The following ZNF184 variants were observed in gnomAD, a reference collection of about 807,000 sequenced individuals.
ZNF184 encodes zinc finger protein 184, also known as zinc finger protein 184 (Kruppel-like).
Under a neutral mutation model 54.4 loss-of-function variants are expected in ZNF184, and 16 were observed. The ratio of observed to expected loss-of-function variants is 0.29; its 90% CI spans 0.20 to 0.45. The LOEUF is 0.45. Ranked by LOEUF, ZNF184 falls within the 20% of genes least tolerant of loss-of-function variation. The pLI is 1.00. For missense variants in ZNF184, 681 were observed against 888.2 expected, an observed-to-expected ratio of 0.77 and a Z score of 2.97; for synonymous variants, 254 against 295.3, an observed-to-expected ratio of 0.86 and a Z score of 1.43.
chr6:27,416,899 A>G, the ZNF184 span, among the ~76,000 whole-genome samples: 6 of 152,186 alleles, frequency 3.9e-5, no homozygotes, highest in Non-Finnish European at 8.8e-5. Flanking sequence ...GTTTAGAGAG[A>G]TGATTTAGTT....
the ZNF184 span, among the ~76,000 whole-genome samples, chr6:27,409,498 CAAAAAAAAAA>C: frequency 2.5e-5 from 1 of 39,942 alleles, no homozygotes; most frequent in African/African-American, 9.5e-5. Flanking sequence ...GACTCCGTCT[CAAAAAAAAAA>C]AAAAAAAAAA....
At chr6:27,450,643 G>A (rs1006518727), downstream of ZNF184, 1 of 151,652 alleles carries the variant, frequency 6.6e-6, no homozygotes, top group African/African-American at 2.4e-5. Context: ...TAAGACACCA[G>A]GTGACTCCAA....
the ZNF184 span, among the ~76,000 whole-genome samples, chr6:27,413,329 A>T: frequency 0.017 from 2,666 of 152,346 alleles, 32 homozygotes; most frequent in Non-Finnish European, 0.025. Flanking sequence ...TTAAATCCAT[A>T]CCTTTTATGG....
At chr6:27,412,175 T>C in the ZNF184 span, among the ~76,000 whole-genome samples, 1 of 152,178 alleles carries the variant, frequency 6.6e-6, no homozygotes, top group Non-Finnish European at 1.5e-5. Flanking sequence ...CAAGAAGAGC[T>C]TGGTGTCCTG....
Position 27,467,952 on chromosome 6 carries a change from T to C in ZNF184, c.8-32A>G. ...GGAGAAGCAGGAGCCATATGACTTCTGTTCAATTTAGCCATTCCCAGCAAT... is the reference window on the plus strand; with the variant it reads ...GGAGAAGCAGGAGCCATATGACTTCCGTTCAATTTAGCCATTCCCAGCAAT... On this transcript the variant is annotated intron_variant, in intron 2 of 5. Coordinates refer to ENST00000683788, the MANE Select transcript of ZNF184 (RefSeq NM_001318891.2). 4 of 1,527,192 alleles carry C rather than the reference T, an allele frequency of 2.6e-6. 1 individual carries two copies. The South Asian group carries it at 3.7e-5, about 14-fold the overall frequency. The allele number at this position is 1,527,192 out of a possible 1,614,324, so 94.6% of individuals were successfully genotyped here. A position where few individuals can be genotyped will look rare whatever the true frequency, so the allele number is the denominator to read the frequency against.
At chr6:27,463,607 C>G (rs2113728775) in intron 3 of ZNF184, among the ~76,000 whole-genome samples, 1 of 151,752 alleles carries the variant, frequency 6.6e-6, no homozygotes, top group East Asian at 1.9e-4. Context: ...TTGATTTTAA[C>G]CACAAAAAAA....
chr6:27,431,452 T>A, the ZNF184 span, among the ~76,000 whole-genome samples: 1 of 152,222 alleles, frequency 6.6e-6, no homozygotes, highest in African/African-American at 2.4e-5. Flanking sequence ...CTATTTTTCC[T>A]GGGAACAACT....
intron 3 of ZNF184, among the ~76,000 whole-genome samples, chr6:27,458,495 C>T (rs898851542): frequency 1.3e-5 from 2 of 151,520 alleles, no homozygotes; most frequent in African/African-American, 4.9e-5. Flanking sequence ...GACATATAAA[C>T]ACCCAAATAT....
the ZNF184 span, among the ~76,000 whole-genome samples, chr6:27,409,972 T>C: frequency 6.6e-6 from 1 of 152,192 alleles, no homozygotes; most frequent in Non-Finnish European, 1.5e-5. Flanking sequence ...TGTTTAGATA[T>C]ATTATGATAC....
At chr6:27,437,344 C>T in the ZNF184 span, among the ~76,000 whole-genome samples, 36 of 152,092 alleles carry the variant, frequency 2.4e-4, 1 homozygote, top group South Asian at 4.2e-4. Context: ...AGGAGGACTC[C>T]GTGGAAAGGA....
At chr6:27,422,153 AAAGAAAG>A in the ZNF184 span, among the ~76,000 whole-genome samples, 1 of 23,604 alleles carries the variant, frequency 4.2e-5, no homozygotes, top group African/African-American at 3.2e-4. Context: ...AAAAAAAAAG[AAAGAAAG>A]AAAGAAAGAA....
At chr6:27,443,570 C>A in the ZNF184 span, among the ~76,000 whole-genome samples, 1 of 152,146 alleles carries the variant, frequency 6.6e-6, no homozygotes, top group Non-Finnish European at 1.5e-5. Flanking sequence ...CAGACATCCA[C>A]ACCAATAGTC....
In ZNF184 at chr6:27,456,879, T is replaced by C. The variant is rs1225401631; in HGVS notation, c.245A>G (p.Gln82Arg). 1.2e-6 allele frequency: 2 copies of C among 1,614,064 alleles called. No homozygotes were observed. The highest frequency in any genetic ancestry group is 1.7e-5 in the Admixed American group (1 of 60,008). ...CTCCATGATCCATGGCTCTGTCCCT[T>C]GCTCTAACTGGGAAATCACATCAGG... ...SKPDVISQLE[Q>R]GTEPWIMEPS... Residue 82 changes from glutamine (Q) to arginine (R), a missense_variant, in exon 5 of 6, where the codon CAA (glutamine) becomes CGA (arginine). By Grantham distance (43) the Gln-to-Arg change is conservative. Transcript: ENST00000683788.
At chr6:27,465,778 C>T (rs926964507) in intron 3 of ZNF184, among the ~76,000 whole-genome samples, 7 of 152,026 alleles carry the variant, frequency 4.6e-5, no homozygotes, top group African/African-American at 1.5e-4. Context: ...GAGAAACAGA[C>T]CAACCCACAA....
At chr6:27,405,501 T>C in the ZNF184 span, 1 of 152,256 alleles carries the variant, frequency 6.6e-6, no homozygotes, top group Non-Finnish European at 1.5e-5. Context: ...TTTCTAACAG[T>C]GAAGGCTCGG....
chr6:27,462,987 C>A (rs1581584066), intron 3 of ZNF184, among the ~76,000 whole-genome samples: 2 of 149,004 alleles, frequency 1.3e-5, no homozygotes, highest in East Asian at 4.0e-4. Flanking sequence ...ACAAGAACAT[C>A]AAAAGTTTTT....
intron 3 of ZNF184, 55 bp from the exon 4 acceptor site, chr6:27,457,464 T>A: frequency 6.3e-7 from 1 of 1,594,274 alleles, no homozygotes; most frequent in Non-Finnish European, 8.6e-7. Flanking sequence ...AGGAAAGGGG[T>A]AAAGTTAGCA....
the ZNF184 span, among the ~76,000 whole-genome samples, chr6:27,422,208 G>GAAAGAAAGAAAGAAAGA: frequency 2.8e-5 from 3 of 106,468 alleles, no homozygotes; most frequent in Admixed American, 1.1e-4. Context: ...AAGAAAGAAA[G>GAAAGAAAGAAAGAAAGA]AAAGAAAGAA....
At chr6:27,442,828 A>AAG in the ZNF184 span, among the ~76,000 whole-genome samples, 1 of 33,616 alleles carries the variant, frequency 3.0e-5, no homozygotes, top group Non-Finnish European at 6.3e-5. Flanking sequence ...GAAAGAAAGA[A>AAG]AGAAAGAAAG....
Sources: gnomAD v4.1 joint callset for allele counts (sites outside exome capture counted in the v4.1 genomes callset) on GRCh38, gnomAD v4.1.1 for gene constraint, MANE v1.5 for transcripts, NCBI Gene and HGNC (gene_info 2026-07-23, HGNC 2026-07-21) for gene names.